The following WWC1 variants were observed in gnomAD, a reference collection of about 807,000 sequenced individuals.
WWC1 encodes WW and C2 domain containing 1.
WWC1 carries 55 observed loss-of-function variants against 138.4 expected under a neutral mutation model. The ratio of observed to expected loss-of-function variants is 0.40; its 90% CI spans 0.32 to 0.50. The LOEUF is 0.50. WWC1 is among the 20% of genes least tolerant of loss of function. The pLI is 0.72. For synonymous variants in WWC1, 524 were observed against 564.9 expected, an observed-to-expected ratio of 0.93 and a Z score of 1.03; for missense variants, 1,226 against 1,420.4, an observed-to-expected ratio of 0.86 and a Z score of 2.20.
At chr5:168,314,325 T>C (rs1475216299) in intron 1 of WWC1, among the ~76,000 whole-genome samples, 1 of 152,062 alleles carries the variant, frequency 6.6e-6, no homozygotes. Context: ...CCCAGCACTT[T>C]GGGAGGCTGA....
intron 1 of WWC1, among the ~76,000 whole-genome samples, chr5:168,360,764 G>C (rs1181245790): frequency 6.6e-6 from 1 of 152,248 alleles, no homozygotes; most frequent in African/African-American, 2.4e-5. Flanking sequence ...AGTCAGACAG[G>C]ATCTCAGAAA....
At chr5:168,335,889 C>G (rs1773413468) in intron 1 of WWC1, among the ~76,000 whole-genome samples, 1 of 152,200 alleles carries the variant, frequency 6.6e-6, no homozygotes, top group South Asian at 2.1e-4. Flanking sequence ...AGACACAGCT[C>G]CCTCTACCCA....
At chr5:168,335,242 T>C (rs1014890517) in intron 1 of WWC1, among the ~76,000 whole-genome samples, 1 of 152,208 alleles carries the variant, frequency 6.6e-6, no homozygotes, top group Admixed American at 6.5e-5. Flanking sequence ...TTGAAGTTCC[T>C]GGTGGGTACT....
chr5:168,299,586 C>A (rs111227559), intron 1 of WWC1, among the ~76,000 whole-genome samples: 3 of 152,240 alleles, frequency 2.0e-5, no homozygotes, highest in Non-Finnish European at 2.9e-5. Flanking sequence ...ATCCCTCCCC[C>A]TCCCGGGGAG....
intron 20 of WWC1, among the ~76,000 whole-genome samples, chr5:168,462,377 C>T (rs1450607016): frequency 6.6e-6 from 1 of 152,202 alleles, no homozygotes; most frequent in African/African-American, 2.4e-5. Flanking sequence ...ACCCCCTCTT[C>T]TGTAGCTGGC....
At chr5:168,371,252 A>G (rs780474079) in intron 1 of WWC1, among the ~76,000 whole-genome samples, 172 bp from the exon 2 acceptor site, 7 of 152,194 alleles carry the variant, frequency 4.6e-5, no homozygotes, top group Non-Finnish European at 1.0e-4. Context: ...TGCTGCAGCT[A>G]TGTGTTCACC....
At chr5:168,393,566 G>A (rs375264611) in intron 3 of WWC1, among the ~76,000 whole-genome samples, 266 of 152,292 alleles carry the variant, frequency 1.7e-3, no homozygotes, top group Middle Eastern at 6.8e-3. Context: ...ATTTTCAGAC[G>A]TGTGAGATTT....
intron 4 of WWC1, 69 bp downstream of exon 4, chr5:168,397,869 C>T: frequency 6.5e-7 from 1 of 1,542,516 alleles, no homozygotes; most frequent in Admixed American, 1.7e-5. Context: ...ACAAGCCCAC[C>T]CACAAGACCA....
At chr5:168,424,193 A>G (rs1360857224) in intron 11 of WWC1, 125 bp downstream of exon 11, 1 of 1,213,676 alleles carries the variant, frequency 8.2e-7, no homozygotes, top group Non-Finnish European at 1.1e-6. Flanking sequence ...GGGTCTTTGT[A>G]TGGCAAGTAT....
intron 1 of WWC1, among the ~76,000 whole-genome samples, chr5:168,354,062 T>A (rs1252079263): frequency 2.6e-5 from 4 of 152,160 alleles, no homozygotes. Flanking sequence ...TCTTTCTTTT[T>A]TTTTTTGAGA....
At chr5:168,452,744 A>G (rs934295772) in intron 17 of WWC1, among the ~76,000 whole-genome samples, 16 of 150,112 alleles carry the variant, frequency 1.1e-4, no homozygotes, top group Admixed American at 8.7e-4. Flanking sequence ...TTCATCAACT[A>G]AACTCTCCTT....
chr5:168,321,545 T>G (rs1017685115), intron 1 of WWC1, among the ~76,000 whole-genome samples: 12 of 151,840 alleles, frequency 7.9e-5, no homozygotes, highest in Non-Finnish European at 1.6e-4. Flanking sequence ...TTTTTTTTTT[T>G]TTTTTTGAGA....
intron 2 of WWC1, among the ~76,000 whole-genome samples, chr5:168,384,520 A>T (rs535372988): frequency 1.3e-5 from 2 of 152,130 alleles, no homozygotes; most frequent in East Asian, 1.9e-4. Flanking sequence ...CCAGCTGGCT[A>T]TAGGGTACCT....
intron 1 of WWC1, among the ~76,000 whole-genome samples, chr5:168,334,576 C>T (rs1401240022): frequency 6.6e-6 from 1 of 151,986 alleles, no homozygotes; most frequent in Non-Finnish European, 1.5e-5. Flanking sequence ...CAGTCTCATG[C>T]TCCTGTGTGC....
chr5:168,439,982 C>A (rs1754605409), intron 15 of WWC1, among the ~76,000 whole-genome samples: 1 of 152,142 alleles, frequency 6.6e-6, no homozygotes, highest in Non-Finnish European at 1.5e-5. Flanking sequence ...ATTACTTGTT[C>A]AGTTCCTGAG....
At chr5:168,426,090 T>C (rs1018636175) in intron 11 of WWC1, among the ~76,000 whole-genome samples, 6 of 152,090 alleles carry the variant, frequency 3.9e-5, no homozygotes, top group African/African-American at 1.4e-4. Context: ...CAAGGGCCAG[T>C]GGGAGCATGG....
chr5:168,377,761 A>T (rs942838533), intron 2 of WWC1, among the ~76,000 whole-genome samples: 1 of 152,250 alleles, frequency 6.6e-6, no homozygotes. Flanking sequence ...AATGGCTGTT[A>T]TTAAAGAGTC....
intron 1 of WWC1, among the ~76,000 whole-genome samples, chr5:168,360,342 C>T (rs1289195204): frequency 1.3e-5 from 2 of 152,184 alleles, no homozygotes; most frequent in Non-Finnish European, 2.9e-5. Flanking sequence ...TGCAAATACT[C>T]AATGAAATTT....
At chr5:168,388,206 C>A (rs1043923849) in intron 3 of WWC1, among the ~76,000 whole-genome samples, 3 of 152,094 alleles carry the variant, frequency 2.0e-5, no homozygotes, top group Admixed American at 2.0e-4. Context: ...GGATCCCTCA[C>A]AAGAATATTT....
Sources: gnomAD v4.1 joint callset for allele counts (sites outside exome capture counted in the v4.1 genomes callset) on GRCh38, gnomAD v4.1.1 for gene constraint, MANE v1.5 for transcripts, NCBI Gene and HGNC (gene_info 2026-07-23, HGNC 2026-07-21) for gene names.